THTPA: variants seen among roughly 807,000 people sequenced by gnomAD.
THTPA encodes thiamine-triphosphatase.
In THTPA, 16 loss-of-function variants were observed where a neutral mutation model predicts 16.5. The ratio of observed to expected loss-of-function variants is 0.97; its 90% CI spans 0.66 to 1.47. The LOEUF (loss-of-function observed/expected upper bound fraction) is 1.47, where lower values mean the gene tolerates loss of function less well. Ranked by LOEUF, THTPA falls within the 40% of genes most tolerant of loss-of-function variation. THTPA has a pLI of 0.00. For synonymous variants in THTPA, 110 were observed against 115.5 expected (o/e 0.95, Z 0.30); for missense variants, 281 against 280.9 (o/e 1.00, Z 0.00).
chr14:23,529,912 C>T, the THTPA span: 50 of 992,012 alleles, frequency 5.0e-5, no homozygotes, highest in African/African-American at 9.7e-5. Flanking sequence ...GGGCTGACTC[C>T]GGGTCAGTAG....
chr14:23,540,861 T>C, the THTPA span, among the ~76,000 whole-genome samples: 1 of 152,220 alleles, frequency 6.6e-6, no homozygotes, highest in Non-Finnish European at 1.5e-5. Context: ...GCATGGTGTT[T>C]GCACAGAGGC....
At chr14:23,524,569 A>G in the THTPA span, 1 of 1,533,960 alleles carries the variant, frequency 6.5e-7, no homozygotes, top group Non-Finnish European at 8.7e-7. The surrounding 1 kb of genome is among the most constrained non-coding windows in gnomAD (Gnocchi z 5.6). Context: ...ATGGCAGGAA[A>G]TGTAGTCGGC....
the THTPA span, among the ~76,000 whole-genome samples, chr14:23,544,559 G>C: frequency 6.6e-6 from 1 of 152,180 alleles, no homozygotes; most frequent in Non-Finnish European, 1.5e-5. Flanking sequence ...CCATGTACAC[G>C]TGTGTGGGCC....
Position 23,559,699 on chromosome 14 carries a change from C to T in THTPA, c.*859C>T, listed in dbSNP as rs1490785794. ...AGGTGTAGGTTCGAAGCTGCTGGGGCCCCCTGGGGTTTGGGACACAGGAGA... is the reference window on the plus strand; with the variant it reads ...AGGTGTAGGTTCGAAGCTGCTGGGGTCCCCTGGGGTTTGGGACACAGGAGA... On this transcript the variant is annotated 3_prime_UTR_variant, in exon 2 of 2. Coordinates refer to ENST00000288014, the MANE Select transcript of THTPA (RefSeq NM_024328.6). 7 of 1,575,248 alleles carry T rather than the reference C, an allele frequency of 4.4e-6. No homozygotes were observed. The South Asian group carries it at 4.5e-5, about 10-fold the overall frequency.
chr14:23,538,410 C>CT, the THTPA span, among the ~76,000 whole-genome samples: 1 of 150,904 alleles, frequency 6.6e-6, no homozygotes, highest in African/African-American at 2.4e-5. Flanking sequence ...TATTTTTTTG[C>CT]TTTTTTTCCC....
In THTPA at chr14:23,557,400, T is replaced by TA. The variant is rs986442396; in HGVS notation, c.547+101dup. ...ATGCAGTGGGGGAGGGCCTCCGGAT[T>TA]AAAAATTTTTTTTTTAATAGAGACA... On this transcript the variant is annotated intron_variant, in intron 1 of 1. Transcript: ENST00000288014. The TA allele has an allele frequency of 5.2e-6, 7 of 1,357,246 alleles. No homozygotes were observed. The South Asian group carries it at 6.5e-5, about 13-fold the overall frequency. The allele number at this position is 1,357,246 out of a possible 1,614,324, so 84.1% of individuals were successfully genotyped here. A position where few individuals can be genotyped will look rare whatever the true frequency, so the allele number is the denominator to read the frequency against.
chr14:23,551,109 A>C (rs1366921809), upstream of THTPA, among the ~76,000 whole-genome samples: 5 of 124,532 alleles, frequency 4.0e-5, no homozygotes, highest in Non-Finnish European at 7.0e-5. The surrounding 1 kb of genome is among the most constrained non-coding windows in gnomAD (Gnocchi z 5.3). Context: ...ATCCTCGCGC[A>C]CGCCCTCTTC....
rs1883466067 is a variant in THTPA, at chr14:23,560,144, A to C, written c.*1304A>C. The C allele has an allele frequency of 2.0e-6, 3 of 1,473,038 alleles. No individual in the cohort carries two copies. In the South Asian group the frequency reaches 3.6e-5, roughly 18 times the overall value. The allele number at this position is 1,473,038 out of a possible 1,614,324, so 91.2% of individuals were successfully genotyped here. A position where few individuals can be genotyped will look rare whatever the true frequency, so the allele number is the denominator to read the frequency against. ...TTTTCCTGTAACTCCCCAAGTGCTG[A>C]TCTCCAGATGACTCAATCCCATCTC... On this transcript the variant is annotated 3_prime_UTR_variant, in exon 2 of 2. Coordinates refer to ENST00000288014, the MANE Select transcript of THTPA (RefSeq NM_024328.6).
chr14:23,519,517 G>T, the THTPA span, among the ~76,000 whole-genome samples: 1 of 152,010 alleles, frequency 6.6e-6, no homozygotes, highest in Admixed American at 6.5e-5. Context: ...CACAAGACCC[G>T]GTGGCCAGTT....
chr14:23,538,142 A>G, the THTPA span: 1 of 152,374 alleles, frequency 6.6e-6, no homozygotes, highest in South Asian at 2.1e-4. Context: ...ATTCCTAGCT[A>G]GAAACCAAAG....
the THTPA span, among the ~76,000 whole-genome samples, chr14:23,520,377 C>T: frequency 2.9e-5 from 4 of 139,282 alleles, no homozygotes; most frequent in Non-Finnish European, 6.5e-5. This position sits in a 1 kb window ranked among gnomAD's most constrained non-coding sequence, Gnocchi z 8.7. Context: ...ACAAGGGACC[C>T]AGCAAAGGTG....
At chr14:23,527,796 G>A in the THTPA span, 2 of 1,535,266 alleles carry the variant, frequency 1.3e-6, no homozygotes, top group South Asian at 2.4e-5. Flanking sequence ...AGTATGGACA[G>A]CAGTATACCT....
the THTPA span, chr14:23,521,932 C>T: frequency 6.5e-7 from 1 of 1,535,112 alleles, no homozygotes; most frequent in Non-Finnish European, 8.7e-7. Flanking sequence ...GCCCTGAGGC[C>T]CTCCCCTCTC....
At chr14:23,525,427 G>T in the THTPA span, 1 of 1,536,152 alleles carries the variant, frequency 6.5e-7, no homozygotes, top group Non-Finnish European at 8.7e-7. The surrounding 1 kb of genome is among the most constrained non-coding windows in gnomAD (Gnocchi z 5.9). Flanking sequence ...AGGGCAGAAA[G>T]CGGCGGTGGA....
At chr14:23,558,369 C>G (rs998402063) in intron 1 of THTPA, among the ~76,000 whole-genome samples, 11 of 152,232 alleles carry the variant, frequency 7.2e-5, no homozygotes, top group African/African-American at 2.7e-4. Context: ...GATTGCGGAA[C>G]AGGGTAATAA....
the THTPA span, chr14:23,530,442 A>G: frequency 4.5e-6 from 3 of 669,366 alleles, no homozygotes; most frequent in Admixed American, 2.0e-5. Context: ...CTGTCCTTTT[A>G]TAGAAGTCCA....
rs1883453772 is a variant in THTPA, at chr14:23,560,113, AC to A, written c.*1274del. On this transcript the variant is annotated 3_prime_UTR_variant, in exon 2 of 2. Coordinates refer to ENST00000288014, the MANE Select transcript of THTPA (RefSeq NM_024328.6). ...CAGCCCCTCTATACTCAGTGGCTCC[AC>A]ACCCTTTTCCTGTAACTCCCCAAGT... 1 of 1,417,974 alleles carries A rather than the reference AC, an allele frequency of 7.1e-7. No individual in the cohort carries two copies. Among genetic ancestry groups the A allele is most frequent in the African/African-American group, 1.4e-5 (1 of 70,766 alleles). The allele number at this position is 1,417,974 out of a possible 1,614,324, so 87.8% of individuals were successfully genotyped here.
At chr14:23,533,523 G>A in the THTPA span, 1 of 1,536,116 alleles carries the variant, frequency 6.5e-7, no homozygotes, top group Non-Finnish European at 8.7e-7. This position sits in a 1 kb window ranked among gnomAD's most constrained non-coding sequence, Gnocchi z 4.8. Context: ...GCAGCCCCTG[G>A]TGCAGCATTA....
chr14:23,531,600 TG>T, the THTPA span: 1 of 1,526,076 alleles, frequency 6.6e-7, no homozygotes, highest in Non-Finnish European at 8.8e-7. Flanking sequence ...GGCATCGCGG[TG>T]GGCAGGTGTG....
Sources: allele counts gnomAD v4.1 joint callset (sites outside exome capture counted in the v4.1 genomes callset), GRCh38; gene constraint gnomAD v4.1.1; non-coding constraint Gnocchi (gnomAD v3.1); transcripts MANE v1.5; gene names NCBI Gene and HGNC (gene_info 2026-07-23, HGNC 2026-07-21).